MARCHF8: variants seen among roughly 807,000 people sequenced by gnomAD.
The protein encoded by MARCHF8 is membrane associated ring-CH-type finger 8.
In MARCHF8, 40 loss-of-function variants were observed where a neutral mutation model predicts 51.6. The observed-to-expected ratio is 0.77, with a 90% CI of 0.60 to 1.01. MARCHF8 has a LOEUF of 1.01. Ranked by LOEUF, MARCHF8 falls within the 50% of genes least tolerant of loss-of-function variation. The pLI is 0.00. For synonymous variants in MARCHF8, 263 were observed against 280.3 expected, an observed-to-expected ratio of 0.94 and a Z score of 0.62; for missense variants, 685 against 708.6, an observed-to-expected ratio of 0.97 and a Z score of 0.38.
At chr10:45,550,156 G>GT (rs571074695) in intron 1 of MARCHF8, among the ~76,000 whole-genome samples, 7 of 152,096 alleles carry the variant, frequency 4.6e-5, no homozygotes, top group Non-Finnish European at 8.8e-5. Flanking sequence ...TTTTTATAAG[G>GT]TGTTTTCACA....
intron 1 of MARCHF8, among the ~76,000 whole-genome samples, chr10:45,542,199 GC>G (rs2133310091): frequency 6.6e-6 from 1 of 151,840 alleles, no homozygotes; most frequent in South Asian, 2.1e-4. Context: ...CAAAAAATTA[GC>G]CGGGGCATGG....
intron 2 of MARCHF8, among the ~76,000 whole-genome samples, chr10:45,502,283 T>C (rs1404014209): frequency 6.6e-6 from 1 of 152,192 alleles, no homozygotes; most frequent in Non-Finnish European, 1.5e-5. Context: ...GAACAAACTA[T>C]TGATAAACAC....
intron 1 of MARCHF8, among the ~76,000 whole-genome samples, chr10:45,562,178 CTAATT>C (rs1290701321): frequency 6.6e-6 from 1 of 151,960 alleles, no homozygotes; most frequent in African/African-American, 2.4e-5. Context: ...TCACACATGA[CTAATT>C]TAAGTCCTAG....
intron 1 of MARCHF8, among the ~76,000 whole-genome samples, chr10:45,557,699 GA>G (rs1281725500): frequency 6.6e-6 from 1 of 152,130 alleles, no homozygotes; most frequent in Admixed American, 6.5e-5. Context: ...CGGAAGTGAG[GA>G]ACCAAAACAG....
intron 1 of MARCHF8, among the ~76,000 whole-genome samples, chr10:45,587,050 C>T (rs4442500): frequency 0.062 from 9,400 of 152,196 alleles, 331 homozygotes; most frequent in Non-Finnish European, 0.067. Context: ...GACAACAGGA[C>T]ATGGACATCT....
chr10:45,499,323 T>C (rs949155107), intron 2 of MARCHF8, among the ~76,000 whole-genome samples: 4 of 152,228 alleles, frequency 2.6e-5, no homozygotes, highest in Admixed American at 6.5e-5. Flanking sequence ...GTTCTTTATA[T>C]ATTCTAGATA....
intron 2 of MARCHF8, among the ~76,000 whole-genome samples, chr10:45,496,636 A>T (rs2043179275): frequency 6.6e-6 from 1 of 152,150 alleles, no homozygotes; most frequent in African/African-American, 2.4e-5. Context: ...AACTGCTACA[A>T]TGTATTGTTG....
intron 2 of MARCHF8, among the ~76,000 whole-genome samples, chr10:45,499,166 C>G (rs2043230762): frequency 6.6e-6 from 1 of 152,270 alleles, no homozygotes; most frequent in Admixed American, 6.5e-5. Flanking sequence ...AGTGGTATCT[C>G]ACTGTGGTTT....
chr10:45,529,138 A>G (rs1050247432), intron 2 of MARCHF8, among the ~76,000 whole-genome samples: 1 of 152,238 alleles, frequency 6.6e-6, no homozygotes, highest in Non-Finnish European at 1.5e-5. Context: ...CAGCTTACAG[A>G]ACCCAAATTA....
rs370786431 is a variant in MARCHF8, at chr10:45,567,597, AT to A, written c.-79+26637del. ...AAATGAGCTCACTGTACGTGTGTGG[AT>A]TTATTTCTGGGTTCTCGGTTCTCTA... is the stretch of plus-strand genomic sequence containing the variant. On this transcript the variant is annotated intron_variant, in intron 1 of 6. Coordinates refer to the MARCHF8 transcript ENST00000319836. 1.6e-4 allele frequency among the ~76,000 whole-genome samples: 25 copies of A among 151,938 alleles called. No homozygotes were observed. In the South Asian group the frequency reaches 5.2e-3, roughly 32 times the overall value.
At chr10:45,458,907 T>C (rs1268189754) in intron 7 of MARCHF8, among the ~76,000 whole-genome samples, 1 of 152,162 alleles carries the variant, frequency 6.6e-6, no homozygotes. Flanking sequence ...TTTGCGGAGA[T>C]TCTCATGCTC....
chr10:45,503,594 AAAC>A (rs1169107295), intron 2 of MARCHF8, among the ~76,000 whole-genome samples: 1 of 151,514 alleles, frequency 6.6e-6, no homozygotes, highest in Admixed American at 6.6e-5. Context: ...AATAAATAAA[AAAC>A]AACCAATTAT....
At chr10:45,569,016 G>A (rs1331274590) in intron 1 of MARCHF8, among the ~76,000 whole-genome samples, 1 of 133,396 alleles carries the variant, frequency 7.5e-6, no homozygotes, top group Non-Finnish European at 1.5e-5. Flanking sequence ...AGTGAGCCGA[G>A]ATGGCGCCAC....
chr10:45,508,604 T>C (rs1028674462), intron 2 of MARCHF8, among the ~76,000 whole-genome samples: 1 of 152,194 alleles, frequency 6.6e-6, no homozygotes, highest in Non-Finnish European at 1.5e-5. Context: ...CATAATTTAC[T>C]ATGGAGATGG....
At chr10:45,468,662 C>T (rs1843051599) in intron 3 of MARCHF8, among the ~76,000 whole-genome samples, 2 of 152,156 alleles carry the variant, frequency 1.3e-5, no homozygotes, top group Admixed American at 1.3e-4. Context: ...GTTTACAACT[C>T]ATCACAAATT....
intron 2 of MARCHF8, among the ~76,000 whole-genome samples, chr10:45,515,296 C>G (rs1178922756): frequency 1.3e-5 from 2 of 152,194 alleles, no homozygotes; most frequent in African/African-American, 4.8e-5. Context: ...TGTTCTCCAC[C>G]TGTTTCCCAT....
chr10:45,547,946 T>G (rs1236814461), intron 1 of MARCHF8, among the ~76,000 whole-genome samples: 1 of 152,246 alleles, frequency 6.6e-6, no homozygotes, highest in South Asian at 2.1e-4. Flanking sequence ...GGCAGATATT[T>G]AACTGTAGCA....
exon 1 of MARCHF8, chr10:45,594,643 AGCC>A (rs2044719123): frequency 9.1e-6 from 1 of 110,354 alleles, no homozygotes; most frequent in Non-Finnish European, 1.9e-5. Flanking sequence ...GCCCACCTGT[AGCC>A]GACGCGCTGC....
intron 5 of MARCHF8, chr10:45,462,052 C>T (rs529697931): frequency 6.6e-6 from 1 of 152,310 alleles, no homozygotes; most frequent in South Asian, 2.1e-4. Context: ...AAGTATGCAA[C>T]AAGGTGTAGC....
Sources: gnomAD v4.1 joint callset for allele counts (sites outside exome capture counted in the v4.1 genomes callset) on GRCh38, gnomAD v4.1.1 for gene constraint, MANE v1.5 for transcripts, NCBI Gene and HGNC (gene_info 2026-07-23, HGNC 2026-07-21) for gene names.